The following SERAC1 variants were observed in gnomAD, a reference collection of about 807,000 sequenced individuals.
The protein encoded by SERAC1 is protein SERAC1.
Under a neutral mutation model 85.7 loss-of-function variants are expected in SERAC1, and 36 were observed. The observed-to-expected ratio is 0.42, with a 90% confidence interval of 0.32 to 0.55. SERAC1 has a LOEUF of 0.55. SERAC1 is among the 20% of genes least tolerant of loss of function. The pLI is 0.11. For missense variants in SERAC1, 629 were observed against 796.2 expected, an observed-to-expected ratio of 0.79 and a Z score of 2.53; for synonymous variants, 242 against 265.3, an observed-to-expected ratio of 0.91 and a Z score of 0.85.
chr6:158,160,034 T>A (rs1034020223), intron 1 of SERAC1, among the ~76,000 whole-genome samples: 1 of 152,214 alleles, frequency 6.6e-6, no homozygotes, highest in South Asian at 2.1e-4. Context: ...GCAGAATATA[T>A]CCATTATACT....
intron 10 of SERAC1, among the ~76,000 whole-genome samples, chr6:158,126,422 C>G (rs892532685): frequency 6.6e-6 from 1 of 152,004 alleles, no homozygotes; most frequent in Non-Finnish European, 1.5e-5. Context: ...TTATTAAGTA[C>G]AGCAATAAAT....
At chr6:158,122,528 TCC>T (rs1383129440) in intron 10 of SERAC1, among the ~76,000 whole-genome samples, 1 of 152,126 alleles carries the variant, frequency 6.6e-6, no homozygotes, top group African/African-American at 2.4e-5. Flanking sequence ...ATGCCTGTAA[TCC>T]CAACACTTTG....
intron 9 of SERAC1, 74 bp from the exon 10 acceptor site, chr6:158,128,344 TG>T: frequency 6.8e-7 from 1 of 1,479,764 alleles, no homozygotes; most frequent in Non-Finnish European, 9.3e-7. Context: ...AGCCTGGTCA[TG>T]GGGACAGCTA....
At chr6:158,114,651 A>C in intron 15 of SERAC1, 138 bp downstream of exon 15, 1 of 1,438,374 alleles carries the variant, frequency 7.0e-7, no homozygotes, top group Non-Finnish European at 9.1e-7. Context: ...CCCAACCCAA[A>C]ATTTCCATGA....
In SERAC1 at chr6:158,114,794, C is replaced by A; in HGVS notation, c.1679G>T (p.Ser560Ile). ...LFPSLEVKEL[S>I]KDSPALKTLQ... ...TTTATGACAAAAAGTATTACCCTTGCTGAGTTCTTTGACTTCCAACGAGGG... is the reference window on the plus strand; with the variant it reads ...TTTATGACAAAAAGTATTACCCTTGATGAGTTCTTTGACTTCCAACGAGGG... Residue 560 changes from serine (S) to isoleucine (I), a missense_variant, in exon 15 of 17, where the codon AGC becomes ATC. Physicochemically the swap from Ser to Ile is moderately radical, Grantham distance 142. Transcript: ENST00000647468. 1 of 1,608,676 alleles carries A rather than the reference C, an allele frequency of 6.2e-7. No homozygotes were observed.
Position 158,120,657 on chromosome 6 carries a change from G to T in SERAC1, c.1016-82C>A. 1 of 1,461,154 alleles carries T rather than the reference G, an allele frequency of 6.8e-7. No homozygotes were observed. 90.5% of individuals were successfully genotyped at this position (1,461,154 alleles called of 1,614,324 possible). On this transcript the variant is annotated intron_variant, in intron 10 of 16. Transcript: ENST00000647468. This position sits in a 1 kb window ranked among gnomAD's most constrained non-coding sequence, Gnocchi z 4.4. ...GAGAGTGAGGTTTCAAACTGAATAT[G>T]ATGGGAGAAAGGCAAACCTTGCGTG...
intron 10 of SERAC1, among the ~76,000 whole-genome samples, chr6:158,121,697 C>G (rs2128412888): frequency 6.6e-6 from 1 of 152,138 alleles, no homozygotes; most frequent in South Asian, 2.1e-4. Flanking sequence ...TCTTCAAAAT[C>G]TGTTAAAGAT....
rs753181670 is a variant in SERAC1 at position 158,143,305 on chromosome 6, GTCTCTCTCTCTCTCTC to G, written c.610-137_610-122del. On this transcript the variant is annotated intron_variant, in intron 7 of 16. Coordinates refer to ENST00000647468, the MANE Select transcript of SERAC1 (RefSeq NM_032861.4). ...TCAAAGCCATATATTATGTGTGCATGTCTCTCTCTCTCTCTCTCTCTCTCTCTCTCTCTCTCTCTCT... is the reference window on the plus strand; with the variant it reads ...TCAAAGCCATATATTATGTGTGCATGTCTCTCTCTCTCTCTCTCTCTCTCT... 1,787 of 606,098 alleles carry G rather than the reference GTCTCTCTCTCTCTCTC, an allele frequency of 2.9e-3. 115 individuals are homozygous for G. The highest frequency in any genetic ancestry group is 0.013 in the South Asian group (397 of 29,422). 37.5% of individuals were successfully genotyped at this position (606,098 alleles called of 1,614,324 possible). A position where few individuals can be genotyped will look rare whatever the true frequency, so the allele number is the denominator to read the frequency against.
rs1554261420 is a variant in SERAC1, at chr6:158,117,415, C to G, written c.1403+312G>C. 3 of 1,186,758 alleles carry G rather than the reference C, an allele frequency of 2.5e-6. No individual in the cohort carries two copies. The African/African-American group carries it at 4.7e-5, about 19-fold the overall frequency. The allele number at this position is 1,186,758 out of a possible 1,614,324, so 73.5% of individuals were successfully genotyped here. A position where few individuals can be genotyped will look rare whatever the true frequency, so the allele number is the denominator to read the frequency against. ...GCCAGTATGATTGTGGACACAAGAA[C>G]AAAAAAACATCACTTTTACTTCTGA... On this transcript the variant is annotated intron_variant, in intron 13 of 16. Transcript: ENST00000647468. The surrounding 1 kb of genome is among the most constrained non-coding windows in gnomAD (Gnocchi z 4.3).
intron 15 of SERAC1, chr6:158,114,509 A>G: frequency 8.4e-7 from 1 of 1,184,130 alleles, no homozygotes; most frequent in Non-Finnish European, 1.0e-6. Flanking sequence ...AATTTGGAAT[A>G]ATACTTAAAA....
chr6:158,118,047 G>T (rs756919147), intron 12 of SERAC1, among the ~76,000 whole-genome samples: 1 of 152,198 alleles, frequency 6.6e-6, no homozygotes, highest in South Asian at 2.1e-4. Flanking sequence ...GGTTTCAAGA[G>T]AATATTTTCC....
At chr6:158,160,345 C>T (rs1245486512) in intron 1 of SERAC1, among the ~76,000 whole-genome samples, 9 of 152,132 alleles carry the variant, frequency 5.9e-5, no homozygotes, top group African/African-American at 2.2e-4. Flanking sequence ...CTCTCTAGTG[C>T]AAAACACCCC....
intron 1 of SERAC1, among the ~76,000 whole-genome samples, chr6:158,160,392 T>A (rs1248072761): frequency 6.6e-6 from 1 of 152,096 alleles, no homozygotes; most frequent in Non-Finnish European, 1.5e-5. Context: ...TTTTGGGGGG[T>A]CATAATGTGA....
At chr6:158,162,295 A>AGTT (rs1785506457) in intron 1 of SERAC1, 1 of 152,222 alleles carries the variant, frequency 6.6e-6, no homozygotes, top group Non-Finnish European at 1.5e-5. Context: ...ATATCACATG[A>AGTT]GTTAATATAT....
At chr6:158,130,209 T>C (rs1201505844) in intron 9 of SERAC1, among the ~76,000 whole-genome samples, 164 bp downstream of exon 9, 1 of 152,244 alleles carries the variant, frequency 6.6e-6, no homozygotes, top group Non-Finnish European at 1.5e-5. Context: ...TGCTAAATCA[T>C]GATTATTCTA....
In SERAC1 at chr6:158,113,527, C is replaced by CAAAATT; in HGVS notation, c.1749_1750insAATTTT (p.Gln583_Val584insAsnPhe). ...GGTAGTGTTTCCACAAAATTCAGCA[C>CAAAATT]CTGGAAGTTTTTGTCTTTAGCAAAC... On this transcript the variant is annotated inframe_insertion, in exon 16 of 17. Transcript: ENST00000647468. The CAAAATT allele has an allele frequency of 6.2e-7, 1 of 1,613,888 alleles. No homozygotes were observed. Among genetic ancestry groups the CAAAATT allele is most frequent in the Non-Finnish European group, 8.5e-7 (1 of 1,179,832 alleles).
Position 158,117,680 on chromosome 6 carries a change from G to T in SERAC1, c.1403+47C>A, listed in dbSNP as rs1406393161. 1 of 1,611,216 alleles carries T rather than the reference G, an allele frequency of 6.2e-7. No homozygotes were observed. Among genetic ancestry groups the T allele is most frequent in the East Asian group, 2.2e-5 (1 of 44,858 alleles). On this transcript the variant is annotated intron_variant, in intron 13 of 16. Coordinates refer to ENST00000647468, the MANE Select transcript of SERAC1 (RefSeq NM_032861.4). The surrounding 1 kb of genome is among the most constrained non-coding windows in gnomAD (Gnocchi z 4.3). ...CCCATCCAAGAGGACCTAAACTTGC[G>T]GCCTGAATTCTTCCCTGTCCTCCTG...
chr6:158,143,347 C>CTCTATA (rs1232070072), intron 7 of SERAC1, among the ~76,000 whole-genome samples, 163 bp from the exon 8 acceptor site: 15 of 46,364 alleles, frequency 3.2e-4, no homozygotes, highest in Non-Finnish European at 5.1e-4. Context: ...CTCTCTCTCT[C>CTCTATA]TATATATATA....
At chr6:158,153,879 C>T (rs1433637861) in intron 3 of SERAC1, among the ~76,000 whole-genome samples, 1 of 152,054 alleles carries the variant, frequency 6.6e-6, no homozygotes, top group African/African-American at 2.4e-5. Context: ...GCCTGTAATC[C>T]CAGCACTTTG....
Sources: gnomAD v4.1 joint callset for allele counts (sites outside exome capture counted in the v4.1 genomes callset) on GRCh38, gnomAD v4.1.1 for gene constraint, Gnocchi (gnomAD v3.1) non-coding constraint, MANE v1.5 for transcripts, NCBI Gene and HGNC (gene_info 2026-07-23, HGNC 2026-07-21) for gene names.